Variants in FHOD1 observed in about 807,000 individuals in gnomAD.
The protein encoded by FHOD1 is formin homology 2 domain containing 1.
FHOD1 carries 89 observed loss-of-function variants against 111.6 expected under a neutral mutation model. The observed-to-expected ratio is 0.80, with a 90% confidence interval of 0.67 to 0.95. The LOEUF (loss-of-function observed/expected upper bound fraction) is 0.95. FHOD1 is among the 40% of genes least tolerant of loss of function. The pLI is 0.00. For missense variants in FHOD1, 1,446 were observed against 1,554.2 expected, an observed-to-expected ratio of 0.93 and a Z score of 1.17; for synonymous variants, 618 against 639.0, an observed-to-expected ratio of 0.97 and a Z score of 0.50.
chr16:67,231,588 A>C lies in FHOD1; in HGVS notation c.2386-39T>G, dbSNP rs2142264352. 6.2e-7 allele frequency: 1 copy of C among 1,614,150 alleles called. No individual in the cohort carries two copies. Among genetic ancestry groups the C allele is most frequent in the Non-Finnish European group, 8.5e-7 (1 of 1,180,022 alleles). On this transcript the variant is annotated intron_variant, in intron 15 of 21. Coordinates refer to ENST00000258201, the MANE Select transcript of FHOD1 (RefSeq NM_013241.3). The surrounding 1 kb of genome is among the most constrained non-coding windows in gnomAD (Gnocchi z 4.3). ...CCAGGGACTCTCAGACTACATGGTC[A>C]TGATGCTTACCTGTCCCTACTGACT...
chr16:67,236,545 C>T lies in FHOD1; in HGVS notation c.1319+12G>A, dbSNP rs1597323800. The T allele has an allele frequency of 6.2e-7, 1 of 1,610,544 alleles. No individual in the cohort carries two copies. ...GAGAGGACTCCAGGGTGGCCTCTGTCTCCCTACTTACTTGTAGATGCTCCT... is the reference window on the plus strand; with the variant it reads ...GAGAGGACTCCAGGGTGGCCTCTGTTTCCCTACTTACTTGTAGATGCTCCT... On this transcript the variant is annotated intron_variant, in intron 11 of 21. Transcript: ENST00000258201.
Position 67,236,958 on chromosome 16 carries a change from G to T in FHOD1, c.1142+8C>A, listed in dbSNP as rs553184743. On this transcript the variant is annotated splice_region_variant and intron_variant, in intron 10 of 21. Transcript: ENST00000258201. ...CACCCTTTCCCATCTACAGATGCTCGTACTTACCCAGGTTCCGGGGCACGC... is the reference window on the plus strand; with the variant it reads ...CACCCTTTCCCATCTACAGATGCTCTTACTTACCCAGGTTCCGGGGCACGC... 1 of 1,573,996 alleles carries T rather than the reference G, an allele frequency of 6.4e-7. No homozygotes were observed.
intron 1 of FHOD1, 99 bp downstream of exon 1, chr16:67,247,110 AC>A (rs2034884556): frequency 1.5e-6 from 2 of 1,319,302 alleles, no homozygotes; most frequent in South Asian, 1.5e-5. Flanking sequence ...CCGGAGAAGA[AC>A]ACTCGCTCCA....
At chr16:67,246,949 C>A in intron 1 of FHOD1, 1 of 487,410 alleles carries the variant, frequency 2.1e-6, no homozygotes. Context: ...GAGTGGAACT[C>A]GAGCACCTCC....
intron 1 of FHOD1, among the ~76,000 whole-genome samples, chr16:67,241,746 G>A (rs909584798): frequency 2.0e-5 from 3 of 152,200 alleles, no homozygotes; most frequent in Admixed American, 6.5e-5. Flanking sequence ...AAAGATAAAC[G>A]GGAAGGGAAA....
At chr16:67,240,389 G>A (rs2034631955) in intron 1 of FHOD1, among the ~76,000 whole-genome samples, 1 of 152,204 alleles carries the variant, frequency 6.6e-6, no homozygotes, top group Non-Finnish European at 1.5e-5. Flanking sequence ...AGCCAGGCAT[G>A]ATGGCGGGTG....
rs769408637 is a variant in FHOD1 at position 67,231,753 on chromosome 16, G to A, written c.2269C>T (p.Pro757Ser). The change falls in exon 15 of 22, where the codon CCT becomes TCT. Residue 757 changes from proline (P) to serine (S), a missense_variant. Coordinates refer to ENST00000258201, the MANE Select transcript of FHOD1 (RefSeq NM_013241.3). This position sits in a 1 kb window ranked among gnomAD's most constrained non-coding sequence, Gnocchi z 4.3. ...TCGGCTGGGCCCAGGGGTATGTCAG[G>A]GTTGGCCAGCTGGGCTTCCTCAATC... ...QKIEEAQLANPDIPLGPAENF... is the reference protein window; with the variant it reads ...QKIEEAQLANSDIPLGPAENF... 6.2e-7 allele frequency: 1 copy of A among 1,613,910 alleles called. No individual in the cohort carries two copies. Among genetic ancestry groups the A allele is most frequent in the South Asian group, 1.1e-5 (1 of 91,068 alleles).
chr16:67,231,418 ACT>A lies in FHOD1; in HGVS notation c.2505+10_2505+11del. ...CCCTGACTCCCCCTAGTCCCCATGT[ACT>A]CTCACTCACCTGGGAGCCATTGAGG... On this transcript the variant is annotated intron_variant, in intron 16 of 21. Transcript: ENST00000258201. The surrounding 1 kb of genome is among the most constrained non-coding windows in gnomAD (Gnocchi z 4.3). 1.3e-6 allele frequency: 2 copies of A among 1,509,504 alleles called. No homozygotes were observed. The highest frequency in any genetic ancestry group is 9.0e-7 in the Non-Finnish European group (1 of 1,109,340). The allele number at this position is 1,509,504 out of a possible 1,614,324, so 93.5% of individuals were successfully genotyped here.
At chr16:67,234,320 C>T in intron 12 of FHOD1, 37 bp downstream of exon 12, 1 of 1,602,496 alleles carries the variant, frequency 6.2e-7, no homozygotes, top group Non-Finnish European at 8.5e-7. Context: ...GGCAACAAAG[C>T]AACAGGCAGG....
chr16:67,235,908 T>A (rs2034457728), intron 11 of FHOD1: 1 of 358,918 alleles, frequency 2.8e-6, no homozygotes, highest in African/African-American at 2.2e-5. Flanking sequence ...AGGATAGGCC[T>A]GAGTCCCCCA....
Position 67,233,734 on chromosome 16 carries a change from G to A in FHOD1, c.1969C>T (p.Leu657=). 3 of 1,613,908 alleles carry A rather than the reference G, an allele frequency of 1.9e-6. No homozygotes were observed. The highest frequency in any genetic ancestry group is 2.5e-6 in the Non-Finnish European group (3 of 1,179,912). ...FGPCATLWAS[L]DPVSVDTARL... ...GCCGTGTCCACTGAGACAGGGTCCA[G>A]TGAAGCCCAGAGGGTGGCGCAGGGC... The change falls in exon 13 of 22, where the codon CTG becomes TTG. Residue 657 remains leucine (L), a synonymous_variant. Transcript: ENST00000258201.
Position 67,247,298 on chromosome 16 carries a change from C to T in FHOD1, c.113G>A (p.Arg38His), listed in dbSNP as rs750850328. The part of the protein sequence containing the change: ...PFACANFPEP[R>H]RAPTCSLDGA... ...GTCCAGGCTGCAGGTGGGGGCCCGGCGCGGCTCCGGAAAGTTGGCACATGC... is the reference window on the plus strand; with the variant it reads ...GTCCAGGCTGCAGGTGGGGGCCCGGTGCGGCTCCGGAAAGTTGGCACATGC... The change falls in exon 1 of 22, where the codon CGC becomes CAC. Residue 38 changes from arginine to histidine, a missense_variant. Around this residue, in one of 3 missense-constraint regions of FHOD1, gnomAD observed 127 missense variants for 118.0 expected, o/e 1.08. Coordinates refer to ENST00000258201, the MANE Select transcript of FHOD1 (RefSeq NM_013241.3). 2 of 1,613,150 alleles carry T rather than the reference C, an allele frequency of 1.2e-6. No individual in the cohort carries two copies. The highest frequency in any genetic ancestry group is 8.5e-7 in the Non-Finnish European group (1 of 1,179,726).
rs752842034 is a variant in FHOD1 at position 67,231,518 on chromosome 16, A to G, written c.2417T>C (p.Val806Ala). The change falls in exon 16 of 22, where the codon GTG (valine) becomes GCG (alanine). Residue 806 changes from valine (V) to alanine (A), a missense_variant. By Grantham distance (64) the Val-to-Ala change is moderately conservative. This residue lies in a region of FHOD1 where 1,085 missense variants were observed against 1,108.8 expected (regional missense o/e 0.98). Coordinates refer to ENST00000258201, the MANE Select transcript of FHOD1 (RefSeq NM_013241.3). This position sits in a 1 kb window ranked among gnomAD's most constrained non-coding sequence, Gnocchi z 4.3. ...EIAEPLFDLK[V>A]GMEQLVQNAT... ...ATTCTGTACCAGCTGTTCCATACCC[A>G]CTTTCAGGTCAAACAGTGGCTCAGC... 1.2e-6 allele frequency: 2 copies of G among 1,614,004 alleles called. No homozygotes were observed. Among genetic ancestry groups the G allele is most frequent in the East Asian group, 2.2e-5 (1 of 44,874 alleles).
chr16:67,229,674 C>G lies in FHOD1; in HGVS notation c.3457G>C (p.Ala1153Pro), dbSNP rs2142256479. The G allele has an allele frequency of 6.2e-7, 1 of 1,614,222 alleles. No individual in the cohort carries two copies. ...CCAGGACCCTTGCTTAGTCCCAGTG[C>G]CTGCACCAGGTCATCTCCGAGCCCA... ...KSGLGDDLVQ[A>P]LGLSKGPGLE... The change falls in exon 22 of 22, where the codon GCA becomes CCA. Residue 1153 changes from alanine to proline, a missense_variant. By Grantham distance (27) the Ala-to-Pro change is conservative. Around this residue, in one of 3 missense-constraint regions of FHOD1, gnomAD observed 1,085 missense variants for 1,108.8 expected, o/e 0.98. Coordinates refer to ENST00000258201, the MANE Select transcript of FHOD1 (RefSeq NM_013241.3).
intron 11 of FHOD1, 110 bp from the exon 12 acceptor site, chr16:67,234,582 C>G (rs908343290): frequency 4.4e-6 from 4 of 910,102 alleles, no homozygotes; most frequent in Admixed American, 2.0e-5. Context: ...CACAGACACA[C>G]AGGGAACAGT....
chr16:67,230,932 A>T, intron 17 of FHOD1, 141 bp from the exon 18 acceptor site: 1 of 967,574 alleles, frequency 1.0e-6, no homozygotes, highest in Non-Finnish European at 1.5e-6. Flanking sequence ...TGCAAGAGAC[A>T]CAAGTCCATC....
In FHOD1 at chr16:67,230,199, T is replaced by C; in HGVS notation, c.3081A>G (p.Glu1027=). The C allele has an allele frequency of 6.2e-7, 1 of 1,613,950 alleles. No homozygotes were observed. Among genetic ancestry groups the C allele is most frequent in the Non-Finnish European group, 8.5e-7 (1 of 1,179,876 alleles). ...ETEKFSGVAG[E]APSNPSVPVA... ...CTGGGACAGAGGGGTTGCTGGGGGC[T>C]TCCCCAGCCACACCTGAGAACTTCT... The change falls in exon 20 of 22, where the codon GAA becomes GAG. Residue 1027 remains glutamate, a synonymous_variant. Transcript: ENST00000258201.
intron 13 of FHOD1, 33 bp downstream of exon 13, chr16:67,233,624 C>T: frequency 3.2e-6 from 5 of 1,555,470 alleles, no homozygotes; most frequent in Non-Finnish European, 4.4e-6. Flanking sequence ...CTCCTGCCTC[C>T]CTTGGGGCTA....
chr16:67,235,533 AAAAAAAAAAAC>A (rs1272216441), intron 11 of FHOD1, among the ~76,000 whole-genome samples: 5 of 151,712 alleles, frequency 3.3e-5, no homozygotes, highest in East Asian at 3.9e-4. Flanking sequence ...CTGTCTCAAA[AAAAAAAAAAAC>A]AAAAAAAAAA....
Sources: allele counts gnomAD v4.1 joint callset (sites outside exome capture counted in the v4.1 genomes callset), GRCh38; gene constraint gnomAD v4.1.1; regional missense constraint gnomAD v4.1.1; non-coding constraint Gnocchi (gnomAD v3.1); transcripts MANE v1.5; gene names NCBI Gene and HGNC (gene_info 2026-07-23, HGNC 2026-07-21).